The following VOPP1 variants were observed in gnomAD, a reference collection of about 807,000 sequenced individuals.
VOPP1 encodes WW domain binding protein VOPP1.
Under a neutral mutation model 23.5 loss-of-function variants are expected in VOPP1, and 8 were observed. The ratio of observed to expected loss-of-function variants is 0.34; its 90% CI spans 0.20 to 0.61. The LOEUF is 0.61. VOPP1 is among the 20% of genes least tolerant of loss of function. The pLI is 0.78. For synonymous variants in VOPP1, 83 were observed against 97.3 expected (o/e 0.85, Z 0.86); for missense variants, 174 against 238.1 (o/e 0.73, Z 1.77).
chr7:55,524,722 C>T (rs1036588258), intron 1 of VOPP1, among the ~76,000 whole-genome samples: 1 of 152,078 alleles, frequency 6.6e-6, no homozygotes, highest in African/African-American at 2.4e-5. Context: ...TCAGCTTGCC[C>T]AATTGAGGAG....
chr7:55,557,774 GCAGGA>G (rs893506998), intron 1 of VOPP1, among the ~76,000 whole-genome samples: 1 of 152,254 alleles, frequency 6.6e-6, no homozygotes, highest in Non-Finnish European at 1.5e-5. Flanking sequence ...AACCACAAGG[GCAGGA>G]CCGTCCGCAG....
chr7:55,520,802 A>G (rs1378343102), intron 2 of VOPP1, among the ~76,000 whole-genome samples: 1 of 152,214 alleles, frequency 6.6e-6, no homozygotes, highest in East Asian at 1.9e-4. Flanking sequence ...TTCCACAGAC[A>G]TCTCGCCCCC....
intron 1 of VOPP1, among the ~76,000 whole-genome samples, chr7:55,522,994 G>C (rs1795965458): frequency 6.6e-6 from 1 of 152,186 alleles, no homozygotes; most frequent in Non-Finnish European, 1.5e-5. Flanking sequence ...CTGGGATACA[G>C]GTATATGAGG....
intron 1 of VOPP1, among the ~76,000 whole-genome samples, chr7:55,569,630 G>A (rs1282884191): frequency 2.6e-5 from 4 of 152,160 alleles, no homozygotes; most frequent in Admixed American, 2.6e-4. Context: ...GGATTAATGA[G>A]ATAACGTGTA....
At chr7:55,525,791 A>C (rs1444833221) in intron 1 of VOPP1, among the ~76,000 whole-genome samples, 6 of 1,362 alleles carry the variant, frequency 4.4e-3, no homozygotes, top group Non-Finnish European at 6.0e-3. Flanking sequence ...AACCTCTCTA[A>C]AAAAAAAAAA....
At chr7:55,453,904 GT>G (rs1319944195) in intron 4 of VOPP1, among the ~76,000 whole-genome samples, 2 of 152,068 alleles carry the variant, frequency 1.3e-5, no homozygotes, top group Non-Finnish European at 2.9e-5. Flanking sequence ...AAATATAGTA[GT>G]TTTTGAGATC....
chr7:55,445,556 C>T (rs991623535), intron 4 of VOPP1, among the ~76,000 whole-genome samples: 1 of 152,164 alleles, frequency 6.6e-6, no homozygotes, highest in Non-Finnish European at 1.5e-5. Flanking sequence ...TTTCTTTCAT[C>T]TCTGTCAACC....
chr7:55,549,190 G>A (rs1373703380), intron 1 of VOPP1, among the ~76,000 whole-genome samples: 1 of 152,196 alleles, frequency 6.6e-6, no homozygotes, highest in Non-Finnish European at 1.5e-5. Context: ...GGGGAGATAG[G>A]ACCAGTTAAT....
intron 4 of VOPP1, among the ~76,000 whole-genome samples, chr7:55,445,236 C>CACACACAG (rs756895138): frequency 7.3e-6 from 1 of 136,794 alleles, no homozygotes; most frequent in Non-Finnish European, 1.5e-5. Flanking sequence ...CACAGACACA[C>CACACACAG]ACACACAGAC....
At chr7:55,465,980 T>C (rs1791621669), downstream of VOPP1, among the ~76,000 whole-genome samples, 1 of 152,260 alleles carries the variant, frequency 6.6e-6, no homozygotes, top group African/African-American at 2.4e-5. Flanking sequence ...CCGATGGTGT[T>C]TGAAGGTGGG....
rs1794040121 is a variant in VOPP1 at position 55,497,545 on chromosome 7, C to T, written c.191+68G>A. 3 of 1,289,668 alleles carry T rather than the reference C, an allele frequency of 2.3e-6. No homozygotes were observed. The Admixed American group carries it at 6.8e-5, about 29-fold the overall frequency. 79.9% of individuals were successfully genotyped at this position (1,289,668 alleles called of 1,614,324 possible). A position where few individuals can be genotyped will look rare whatever the true frequency, so the allele number is the denominator to read the frequency against. On this transcript the variant is annotated intron_variant, in intron 3 of 4. Coordinates refer to ENST00000285279, the MANE Select transcript of VOPP1 (RefSeq NM_030796.5). ...GAAGGTGTCGCATCCAAGGCTGTGA[C>T]AACACTGATGGGGGGGGGGGGGGGG...
chr7:55,536,466 T>C (rs1584064750), intron 1 of VOPP1, among the ~76,000 whole-genome samples: 1 of 151,564 alleles, frequency 6.6e-6, no homozygotes, highest in African/African-American at 2.4e-5. Flanking sequence ...GAGGCAGAGG[T>C]TGCAGTGAGC....
chr7:55,548,065 G>T (rs1216501635), intron 1 of VOPP1, among the ~76,000 whole-genome samples: 1 of 152,178 alleles, frequency 6.6e-6, no homozygotes, highest in Non-Finnish European at 1.5e-5. Flanking sequence ...TGGGAGGCAG[G>T]TGAATGGAGA....
chr7:55,467,809 C>T (rs73698735), downstream of VOPP1, among the ~76,000 whole-genome samples: 3,287 of 152,264 alleles, frequency 0.022, 49 homozygotes, highest in African/African-American at 0.038. Context: ...GTTCACATGA[C>T]GAGGGTCGTG....
chr7:55,483,821 C>T (rs994082856), intron 4 of VOPP1, among the ~76,000 whole-genome samples: 1 of 152,118 alleles, frequency 6.6e-6, no homozygotes, highest in African/African-American at 2.4e-5. Context: ...GGCAACAGTG[C>T]GATCAGATCA....
At chr7:55,456,234 A>C (rs923049126) in intron 4 of VOPP1, among the ~76,000 whole-genome samples, 5 of 152,266 alleles carry the variant, frequency 3.3e-5, no homozygotes, top group African/African-American at 1.2e-4. Context: ...AATGCAAATC[A>C]AAACCACATT....
At chr7:55,555,948 T>C (rs1281851882) in intron 1 of VOPP1, among the ~76,000 whole-genome samples, 1 of 152,200 alleles carries the variant, frequency 6.6e-6, no homozygotes, top group African/African-American at 2.4e-5. Flanking sequence ...AAAACTCACT[T>C]GTTTTCTTTT....
intron 2 of VOPP1, among the ~76,000 whole-genome samples, chr7:55,504,007 T>C (rs1473377005): frequency 1.3e-5 from 2 of 152,194 alleles, no homozygotes; most frequent in East Asian, 1.9e-4. Flanking sequence ...GAGTAAAATA[T>C]TCAGGGTGCG....
Position 55,538,541 on chromosome 7 carries a change from A to G in VOPP1, c.55-17411T>C, listed in dbSNP as rs890484308. 3 of 1,388,358 alleles carry G rather than the reference A, an allele frequency of 2.2e-6. No individual in the cohort carries two copies. The African/African-American group carries it at 4.3e-5, about 20-fold the overall frequency. 86.0% of individuals were successfully genotyped at this position (1,388,358 alleles called of 1,614,324 possible). ...ATGGTCCAAAGACTGAGGATTCCAC[A>G]GTCCAACTGAGGATCACTGTAAACT... On this transcript the variant is annotated intron_variant, in intron 1 of 4. Transcript: ENST00000285279.
Sources: gnomAD v4.1 joint callset for allele counts (sites outside exome capture counted in the v4.1 genomes callset) on GRCh38, gnomAD v4.1.1 for gene constraint, MANE v1.5 for transcripts, NCBI Gene and HGNC (gene_info 2026-07-23, HGNC 2026-07-21) for gene names.